The following LEKR1 variants were observed in gnomAD, a reference collection of about 807,000 sequenced individuals.
LEKR1 encodes protein LEKR1.
LEKR1 carries 59 observed loss-of-function variants against 72.4 expected under a neutral mutation model. That is an observed-to-expected ratio of 0.82 (90% CI 0.66 to 1.01). The LOEUF is 1.01. LEKR1 is among the 50% of genes least tolerant of loss of function. LEKR1 has a pLI of 0.00. For synonymous variants in LEKR1, 257 were observed against 263.2 expected (o/e 0.98, Z 0.23); for missense variants, 728 against 759.2 (o/e 0.96, Z 0.48).
rs1370798705 is a variant in LEKR1, at chr3:156,853,206, A to G, written c.263+224A>G. 12 of 282,510 alleles carry G rather than the reference A, an allele frequency of 4.2e-5. No homozygotes were observed. In the East Asian group the frequency reaches 6.4e-4, roughly 15 times the overall value. 17.5% of individuals were successfully genotyped at this position (282,510 alleles called of 1,614,324 possible). A position where few individuals can be genotyped will look rare whatever the true frequency, so the allele number is the denominator to read the frequency against. On this transcript the variant is annotated intron_variant, in intron 3 of 12. Coordinates refer to ENST00000356539, the MANE Select transcript of LEKR1 (RefSeq NM_001004316.3). The stretch of plus-strand genomic sequence containing the variant: ...TGAAAAATTAGAAACCAATTAATTT[A>G]GTAACCACCAGCTGAGACATTCAAA...
chr3:157,044,456 G>A (rs1413843602), intron 12 of LEKR1, among the ~76,000 whole-genome samples: 1 of 152,216 alleles, frequency 6.6e-6, no homozygotes, highest in Non-Finnish European at 1.5e-5. Flanking sequence ...CTCTAGTCCA[G>A]TCACACATTT....
chr3:156,847,644 A>G (rs1488505238), intron 2 of LEKR1, among the ~76,000 whole-genome samples: 3 of 152,186 alleles, frequency 2.0e-5, no homozygotes, highest in East Asian at 1.9e-4. Flanking sequence ...ATTTTTTTCT[A>G]TAGCAGTTTT....
intron 6 of LEKR1, among the ~76,000 whole-genome samples, chr3:156,967,357 A>G (rs1351746998): frequency 1.3e-5 from 2 of 152,172 alleles, no homozygotes; most frequent in Admixed American, 6.5e-5. Context: ...AACCCATGGC[A>G]AAGAAGTTAA....
chr3:156,862,360 C>T (rs1004419312), intron 3 of LEKR1, among the ~76,000 whole-genome samples: 2 of 151,958 alleles, frequency 1.3e-5, no homozygotes, highest in African/African-American at 4.8e-5. Context: ...TTTTTATTGG[C>T]ATAAACATAG....
chr3:157,044,631 G>A (rs1403340314), intron 12 of LEKR1, among the ~76,000 whole-genome samples: 2 of 152,122 alleles, frequency 1.3e-5, no homozygotes, highest in Admixed American at 6.6e-5. Flanking sequence ...TCAAACCTAC[G>A]AAGGTACAAA....
At chr3:157,035,869 G>C (rs1734934866) in intron 12 of LEKR1, among the ~76,000 whole-genome samples, 1 of 152,180 alleles carries the variant, frequency 6.6e-6, no homozygotes. Flanking sequence ...CTGCACTCCA[G>C]CCTGGGTGAC....
chr3:157,002,381 A>C (rs1732085495), intron 9 of LEKR1, among the ~76,000 whole-genome samples: 1 of 152,102 alleles, frequency 6.6e-6, no homozygotes, highest in South Asian at 2.1e-4. Flanking sequence ...TCAATGGCCT[A>C]AGATTGTTTT....
intron 2 of LEKR1, among the ~76,000 whole-genome samples, chr3:156,833,833 A>G (rs1171408598): frequency 6.6e-6 from 1 of 152,158 alleles, no homozygotes; most frequent in Non-Finnish European, 1.5e-5. Flanking sequence ...AAAAATTTCA[A>G]AAGGCAAAAA....
At chr3:157,019,647 T>G (rs1005281959) in intron 10 of LEKR1, among the ~76,000 whole-genome samples, 1 of 152,232 alleles carries the variant, frequency 6.6e-6, no homozygotes, top group Non-Finnish European at 1.5e-5. Flanking sequence ...ATGCTTTATA[T>G]GTACACCATC....
chr3:156,977,293 C>T (rs1729780037), intron 6 of LEKR1, among the ~76,000 whole-genome samples: 1 of 152,106 alleles, frequency 6.6e-6, no homozygotes, highest in East Asian at 1.9e-4. Context: ...CTCATTGTTT[C>T]CTTGTTGGAG....
At chr3:156,898,980 T>A (rs909644364) in intron 3 of LEKR1, among the ~76,000 whole-genome samples, 1 of 152,194 alleles carries the variant, frequency 6.6e-6, no homozygotes, top group African/African-American at 2.4e-5. Context: ...GCTGAATCTC[T>A]TGTTGCTCCT....
intron 3 of LEKR1, among the ~76,000 whole-genome samples, chr3:156,918,608 TTA>T (rs1315086974): frequency 6.6e-6 from 1 of 152,042 alleles, no homozygotes; most frequent in East Asian, 1.9e-4. Context: ...TTATGTGAGA[TTA>T]TATATATATT....
At chr3:156,855,713 G>T (rs1030927203) in intron 3 of LEKR1, among the ~76,000 whole-genome samples, 2 of 152,092 alleles carry the variant, frequency 1.3e-5, no homozygotes, top group Non-Finnish European at 2.9e-5. Flanking sequence ...ACACAAAAGA[G>T]AATTTATTGG....
chr3:156,906,615 A>G (rs1416659044), intron 3 of LEKR1, among the ~76,000 whole-genome samples: 4 of 152,214 alleles, frequency 2.6e-5, no homozygotes, highest in Non-Finnish European at 5.9e-5. Flanking sequence ...TTATTTCATA[A>G]AGTTGATGTG....
At chr3:156,936,426 AACACACACACAC>A (rs561039357) in intron 5 of LEKR1, among the ~76,000 whole-genome samples, 4 of 76,898 alleles carry the variant, frequency 5.2e-5, no homozygotes, top group African/African-American at 2.8e-4. Flanking sequence ...GTACAATGAG[AACACACACACAC>A]ACACACACAC....
In LEKR1 at chr3:157,024,818, C is replaced by T; in HGVS notation, c.1262C>T (p.Ala421Val). The change falls in exon 11 of 13, where the codon GCT (alanine) becomes GTT (valine). Residue 421 changes from alanine (A) to valine (V), a missense_variant. Transcript: ENST00000356539. ...CACTTGGTTGAATTTGAAGAGCAAG[C>T]TCTTCTCTTTAAGGAAGAAACAAAA... ...AQHLVEFEEQ[A>V]LLFKEETKLQ... The T allele has an allele frequency of 6.8e-6, 11 of 1,612,168 alleles. No homozygotes were observed. The highest frequency in any genetic ancestry group is 9.3e-6 in the Non-Finnish European group (11 of 1,179,166).
intron 3 of LEKR1, among the ~76,000 whole-genome samples, chr3:156,895,888 A>C (rs750573949): frequency 6.6e-6 from 1 of 152,222 alleles, no homozygotes; most frequent in East Asian, 1.9e-4. Context: ...AAATCATTCT[A>C]TTATAAAGAC....
chr3:156,893,617 C>T (rs997987435), intron 3 of LEKR1, among the ~76,000 whole-genome samples: 1 of 152,108 alleles, frequency 6.6e-6, no homozygotes, highest in Non-Finnish European at 1.5e-5. Flanking sequence ...TCCCCCTTGC[C>T]TCTGCTCTTG....
chr3:156,847,451 T>C (rs996839679), intron 2 of LEKR1, among the ~76,000 whole-genome samples: 2 of 152,224 alleles, frequency 1.3e-5, no homozygotes, highest in Non-Finnish European at 2.9e-5. Flanking sequence ...TATTTTACTT[T>C]CAAAACGAGA....
Sources: allele counts gnomAD v4.1 joint callset (sites outside exome capture counted in the v4.1 genomes callset), GRCh38; gene constraint gnomAD v4.1.1; transcripts MANE v1.5; gene names NCBI Gene and HGNC (gene_info 2026-07-23, HGNC 2026-07-21).